Variants in CADM2 observed in about 807,000 individuals in gnomAD.
CADM2 encodes cell adhesion molecule 2, also known as immunoglobulin superfamily member 4D.
Under a neutral mutation model 49.8 loss-of-function variants are expected in CADM2, and 12 were observed. The observed-to-expected ratio is 0.24, with a 90% CI of 0.15 to 0.39. The LOEUF is 0.39. Ranked by LOEUF, CADM2 falls within the 10% of genes least tolerant of loss-of-function variation. The probability of loss-of-function intolerance (pLI) is 1.00; values close to 1 mark genes in which losing one functional copy is unlikely to be tolerated. For missense variants in CADM2, 378 were observed against 492.3 expected, an observed-to-expected ratio of 0.77 and a Z score of 2.20; for synonymous variants, 214 against 175.4, an observed-to-expected ratio of 1.22 and a Z score of -1.74.
intron 1 of CADM2, among the ~76,000 whole-genome samples, chr3:85,360,283 TA>T (rs1381095615): frequency 6.6e-6 from 1 of 152,142 alleles, no homozygotes; most frequent in African/African-American, 2.4e-5. Context: ...CTACTATTGT[TA>T]GCTAATAACA....
chr3:85,383,207 A>T (rs544178827), intron 1 of CADM2, among the ~76,000 whole-genome samples: 18 of 152,208 alleles, frequency 1.2e-4, no homozygotes, highest in African/African-American at 4.3e-4. Context: ...TGCTCTGACC[A>T]TGAGGCATCC....
intron 1 of CADM2, among the ~76,000 whole-genome samples, chr3:85,166,734 T>C (rs2040479483): frequency 6.6e-6 from 1 of 151,954 alleles, no homozygotes; most frequent in Non-Finnish European, 1.5e-5. Flanking sequence ...TCAGTAAGTT[T>C]AAATACTGTT....
chr3:85,992,357 C>T (rs1407341149), intron 8 of CADM2: 1 of 151,718 alleles, frequency 6.6e-6, no homozygotes, highest in Non-Finnish European at 1.5e-5. Context: ...AATGACCTTC[C>T]TCTGAATATG....
intron 1 of CADM2, among the ~76,000 whole-genome samples, chr3:85,431,683 T>C (rs991427328): frequency 4.6e-5 from 7 of 151,214 alleles, no homozygotes; most frequent in Admixed American, 3.3e-4. Context: ...CTGATGATGA[T>C]AATTTATCCC....
intron 9 of CADM2, among the ~76,000 whole-genome samples, chr3:86,066,388 G>A (rs1739347394): frequency 7.4e-6 from 1 of 135,098 alleles, no homozygotes; most frequent in Non-Finnish European, 1.5e-5. Context: ...GTTTGCTACA[G>A]CTGTAAGGTT....
At chr3:85,107,450 CAT>C (rs1365606523) in intron 1 of CADM2, among the ~76,000 whole-genome samples, 1 of 151,988 alleles carries the variant, frequency 6.6e-6, no homozygotes, top group African/African-American at 2.4e-5. Context: ...CAAAGCAAAA[CAT>C]AAAATAACAA....
intron 2 of CADM2, among the ~76,000 whole-genome samples, chr3:85,742,612 A>G (rs2068442822): frequency 6.6e-6 from 1 of 152,206 alleles, no homozygotes; most frequent in South Asian, 2.1e-4. Flanking sequence ...AAAATTGGAG[A>G]AATCATGAAA....
intron 1 of CADM2, among the ~76,000 whole-genome samples, chr3:85,212,609 A>G (rs1449800413): frequency 6.6e-6 from 1 of 151,782 alleles, no homozygotes; most frequent in Non-Finnish European, 1.5e-5. Context: ...CACACTTCTA[A>G]ATTTTCTGTT....
At chr3:86,013,307 C>A (rs6771277) in intron 8 of CADM2, 54 of 1,536,132 alleles carry the variant, frequency 3.5e-5, no homozygotes, top group Middle Eastern at 4.7e-4. Flanking sequence ...TACCTCTATC[C>A]CTTGAAGAGA....
chr3:85,145,880 T>C (rs2039724043), intron 1 of CADM2, among the ~76,000 whole-genome samples: 3 of 152,154 alleles, frequency 2.0e-5, no homozygotes. Context: ...TTAAGTTTGA[T>C]GTTAACACGG....
intron 3 of CADM2, among the ~76,000 whole-genome samples, chr3:85,840,127 A>C (rs932141936): frequency 6.6e-6 from 1 of 151,882 alleles, no homozygotes; most frequent in Non-Finnish European, 1.5e-5. Flanking sequence ...TAGTTCAATA[A>C]ATGTTATCAA....
In CADM2 at chr3:85,534,898, T is replaced by C. The variant is rs550187502; in HGVS notation, c.62-191624T>C. Among the ~76,000 whole-genome samples the C allele has an allele frequency of 1.6e-4, 24 of 152,310 alleles. No individual in the cohort carries two copies. In the South Asian group the frequency reaches 4.8e-3, roughly 30 times the overall value. ...AATGAGTGGCTACTTTTGTTGTTTA[T>C]GTCAAACTGAAGTCATAATCTCTAT... On this transcript the variant is annotated intron_variant, in intron 1 of 9. Coordinates refer to ENST00000383699, the MANE Select transcript of CADM2 (RefSeq NM_001167675.2).
intron 1 of CADM2, among the ~76,000 whole-genome samples, chr3:85,373,123 C>CTCTCA (rs1422415698): frequency 6.6e-6 from 1 of 152,088 alleles, no homozygotes; most frequent in Non-Finnish European, 1.5e-5. Flanking sequence ...CTCAAAAGTC[C>CTCTCA]ACAGCCCAAA....
chr3:85,729,214 C>T (rs961586803), intron 2 of CADM2, among the ~76,000 whole-genome samples: 1 of 152,088 alleles, frequency 6.6e-6, no homozygotes, highest in Non-Finnish European at 1.5e-5. Flanking sequence ...CTTCTCTTTG[C>T]CTCTTTCTTT....
At chr3:85,716,327 C>T (rs980598537) in intron 1 of CADM2, among the ~76,000 whole-genome samples, 1 of 152,150 alleles carries the variant, frequency 6.6e-6, no homozygotes, top group Non-Finnish European at 1.5e-5. Context: ...TGTTCATAAC[C>T]TTTGCCCACT....
At chr3:85,916,658 A>C (rs999630182) in intron 6 of CADM2, among the ~76,000 whole-genome samples, 5 of 152,046 alleles carry the variant, frequency 3.3e-5, no homozygotes, top group African/African-American at 1.2e-4. Flanking sequence ...TTATAGCAGC[A>C]TGATTTATAA....
At chr3:85,003,523 A>G (rs1318059804) in intron 1 of CADM2, among the ~76,000 whole-genome samples, 4 of 152,160 alleles carry the variant, frequency 2.6e-5, no homozygotes, top group African/African-American at 4.8e-5. Context: ...TATTTTTGGA[A>G]GCAGTCTTTT....
chr3:85,309,827 C>T (rs1305685091), intron 1 of CADM2, among the ~76,000 whole-genome samples: 7 of 152,142 alleles, frequency 4.6e-5, no homozygotes, highest in Admixed American at 4.6e-4. Context: ...TACTTTACCC[C>T]CGTTTTAAAT....
chr3:85,681,795 A>G (rs2066046507), intron 1 of CADM2, among the ~76,000 whole-genome samples: 1 of 152,166 alleles, frequency 6.6e-6, no homozygotes, highest in Admixed American at 6.5e-5. Context: ...GCAAATTTGA[A>G]ATGAAGTTTT....
Sources: gnomAD v4.1 joint callset for allele counts (sites outside exome capture counted in the v4.1 genomes callset) on GRCh38, gnomAD v4.1.1 for gene constraint, MANE v1.5 for transcripts, NCBI Gene and HGNC (gene_info 2026-07-23, HGNC 2026-07-21) for gene names.